C2CD2: variants seen among roughly 807,000 people sequenced by gnomAD.
C2CD2 encodes the protein C2 domain-containing protein 2.
In C2CD2, 43 loss-of-function variants were observed where a neutral mutation model predicts 74.3. That is an observed-to-expected ratio of 0.58 (90% CI 0.45 to 0.75). The LOEUF is 0.75. Ranked by LOEUF, C2CD2 falls within the 30% of genes least tolerant of loss-of-function variation. The probability of loss-of-function intolerance (pLI) is 0.00; values close to 1 mark genes in which losing one functional copy is unlikely to be tolerated. For synonymous variants in C2CD2, 422 were observed against 390.7 expected (o/e 1.08, Z -0.94); for missense variants, 801 against 916.3 (o/e 0.87, Z 1.63).
At chr21:41,912,175 C>T in intron 7 of C2CD2, 157 bp downstream of exon 7, 1 of 554,932 alleles carries the variant, frequency 1.8e-6, no homozygotes. Flanking sequence ...CCATGTTTGA[C>T]CTAAAGCTAC....
chr21:41,891,155 T>C (rs2064748794), intron 13 of C2CD2, among the ~76,000 whole-genome samples: 1 of 114,422 alleles, frequency 8.7e-6, no homozygotes, highest in Admixed American at 7.9e-5. Context: ...TGACATTTTT[T>C]ACAGTGATCT....
At chr21:41,930,562 C>T (rs1424950431) in intron 2 of C2CD2, among the ~76,000 whole-genome samples, 1 of 149,216 alleles carries the variant, frequency 6.7e-6, no homozygotes, top group Non-Finnish European at 1.5e-5. Context: ...ATTAGCCGGG[C>T]GTGGTGACAC....
chr21:41,906,497 C>A (rs1221401806), intron 10 of C2CD2, among the ~76,000 whole-genome samples: 1 of 152,190 alleles, frequency 6.6e-6, no homozygotes, highest in Non-Finnish European at 1.5e-5. Context: ...TCCAGAGTGG[C>A]TAGGACTCCA....
intron 11 of C2CD2, among the ~76,000 whole-genome samples, chr21:41,904,986 C>T (rs894050612): frequency 7.2e-5 from 11 of 152,288 alleles, no homozygotes; most frequent in Non-Finnish European, 8.8e-5. Flanking sequence ...ATTTCCTATT[C>T]GTAGTGACCA....
chr21:41,948,026 T>C (rs1260649744), intron 1 of C2CD2, among the ~76,000 whole-genome samples: 1 of 152,190 alleles, frequency 6.6e-6, no homozygotes, highest in African/African-American at 2.4e-5. Flanking sequence ...GGAGAATGGG[T>C]TAGTGCAAAG....
rs1491041883 is a variant in C2CD2, at chr21:41,947,111, T to TC, written c.280-4867_280-4866insG. ...TTTTCTTTCTTTCTTTCCTTTCTCT[T>TC]TTCTCTCTCTCTCTCTCTCTCTCTC... On this transcript the variant is annotated intron_variant, in intron 1 of 13. Transcript: ENST00000380486. Among the ~76,000 whole-genome samples the TC allele has an allele frequency of 4.4e-3, 428 of 96,844 alleles. 9 individuals carry two copies. The highest frequency in any genetic ancestry group is 0.011 in the South Asian group (27 of 2,386). The allele number at this position is 96,844 out of a possible 152,430, so 63.5% of individuals were successfully genotyped here.
chr21:41,898,461 G>T (rs1372053418), intron 13 of C2CD2, among the ~76,000 whole-genome samples: 1 of 152,194 alleles, frequency 6.6e-6, no homozygotes, highest in Non-Finnish European at 1.5e-5. Flanking sequence ...ACACGCTTAA[G>T]GAATTTATAG....
chr21:41,907,819 G>C (rs1469593725), intron 8 of C2CD2, 35 bp from the exon 9 acceptor site: 2 of 1,613,298 alleles, frequency 1.2e-6, no homozygotes, highest in East Asian at 4.5e-5. Flanking sequence ...GGGTGCCGCT[G>C]ATGTTTCCCG....
chr21:41,918,326 G>A, intron 4 of C2CD2, 99 bp from the exon 5 acceptor site: 2 of 1,287,252 alleles, frequency 1.6e-6, no homozygotes, highest in South Asian at 1.4e-5. Flanking sequence ...AAAGTAGGAA[G>A]GAAGGAAATT....
At chr21:41,905,663 G>C in intron 11 of C2CD2, 61 bp downstream of exon 11, 3 of 874,096 alleles carry the variant, frequency 3.4e-6, no homozygotes, top group South Asian at 3.1e-5. Flanking sequence ...CTTCATATCA[G>C]AACAGCCCAA....
chr21:41,926,671 C>G lies in C2CD2; in HGVS notation c.379-4586G>C, dbSNP rs1284420483. ...TCCAGATTTTGCTACTGTTCACCAA[C>G]AAGAGAGCCCCTGAGTCTTCAGATC... is the stretch of plus-strand genomic sequence containing the variant. On this transcript the variant is annotated intron_variant, in intron 2 of 13. Transcript: ENST00000380486. This position sits in a 1 kb window ranked among gnomAD's most constrained non-coding sequence, Gnocchi z 8.0. 1 of 980,644 alleles carries G rather than the reference C, an allele frequency of 1.0e-6. No homozygotes were observed. The highest frequency in any genetic ancestry group is 1.8e-5 in the African/African-American group (1 of 57,126). The allele number at this position is 980,644 out of a possible 1,614,324, so 60.7% of individuals were successfully genotyped here.
At chr21:41,917,932 A>G (rs2065110626) in intron 5 of C2CD2, among the ~76,000 whole-genome samples, 173 bp downstream of exon 5, 1 of 152,176 alleles carries the variant, frequency 6.6e-6, no homozygotes, top group Non-Finnish European at 1.5e-5. Context: ...CCATGCTCCA[A>G]ACCCAAGGCT....
chr21:41,898,462 G>T (rs1428627990), intron 13 of C2CD2, among the ~76,000 whole-genome samples: 1 of 152,192 alleles, frequency 6.6e-6, no homozygotes. Context: ...CACGCTTAAG[G>T]AATTTATAGT....
chr21:41,894,646 A>T (rs570044658), intron 13 of C2CD2: 123 of 456,420 alleles, frequency 2.7e-4, no homozygotes, highest in Non-Finnish European at 4.1e-4. Context: ...CGGGATTCCC[A>T]GAATGAGTTG....
intron 1 of C2CD2, among the ~76,000 whole-genome samples, chr21:41,951,950 G>C (rs2065453739): frequency 6.6e-6 from 1 of 152,182 alleles, no homozygotes; most frequent in Non-Finnish European, 1.5e-5. Context: ...GATGAGACTG[G>C]TGCCCAATCA....
chr21:41,918,066 C>G (rs3827223), intron 5 of C2CD2, 39 bp downstream of exon 5: 1 of 1,611,724 alleles, frequency 6.2e-7, no homozygotes, highest in Admixed American at 1.7e-5. Context: ...TGGTGCCTAA[C>G]GGGGTTCAGA....
rs1328145242 is a variant in C2CD2, at chr21:41,924,892, TAC to T, written c.379-2809_379-2808del. Among the ~76,000 whole-genome samples, 1 of 152,176 alleles carries T rather than the reference TAC, an allele frequency of 6.6e-6. No individual in the cohort carries two copies. Among genetic ancestry groups the T allele is most frequent in the Non-Finnish European group, 1.5e-5 (1 of 68,032 alleles). On this transcript the variant is annotated intron_variant, in intron 2 of 13. Transcript: ENST00000380486. The surrounding 1 kb of genome is among the most constrained non-coding windows in gnomAD (Gnocchi z 4.4). ...AAGCTTCCCACCACGCACTCCCTGA[TAC>T]ACAGAGAACCAAGCACTTGATTAAA...
At chr21:41,914,781 G>A in intron 5 of C2CD2, 60 bp from the exon 6 acceptor site, 1 of 1,527,246 alleles carries the variant, frequency 6.5e-7, no homozygotes. Flanking sequence ...GGCCAAGGAA[G>A]TAGCCACTGG....
Position 41,899,302 on chromosome 21 carries a change from T to C in C2CD2, c.1621A>G (p.Ser541Gly). 1 of 1,611,104 alleles carries C rather than the reference T, an allele frequency of 6.2e-7. No homozygotes were observed. The highest frequency in any genetic ancestry group is 8.5e-7 in the Non-Finnish European group (1 of 1,179,974). The change falls in exon 13 of 14, where the codon AGC becomes GGC. Residue 541 changes from serine to glycine, a missense_variant. Ser to Gly is a moderately conservative substitution (Grantham distance 56). Transcript: ENST00000380486. The surrounding 1 kb of genome is among the most constrained non-coding windows in gnomAD (Gnocchi z 4.4). ...LMQGYTASVDSTHQEDAPSHP... is the reference protein window; with the variant it reads ...LMQGYTASVDGTHQEDAPSHP... ...GATGGGGCGTCCTCCTGGTGGGTGC[T>C]GTCCACAGAGGCCGTGTAGCCCTGC...
Sources: allele counts gnomAD v4.1 joint callset (sites outside exome capture counted in the v4.1 genomes callset), GRCh38; gene constraint gnomAD v4.1.1; non-coding constraint Gnocchi (gnomAD v3.1); transcripts MANE v1.5; gene names NCBI Gene and HGNC (gene_info 2026-07-23, HGNC 2026-07-21).